SENP6: variants seen among roughly 807,000 people sequenced by gnomAD.
SENP6 encodes SUMO specific peptidase 6.
In SENP6, 41 loss-of-function variants were observed where a neutral mutation model predicts 134.5. That is an observed-to-expected ratio of 0.30 (90% confidence interval 0.24 to 0.40). SENP6 has a LOEUF of 0.40. Among genes scored for constraint, SENP6 ranks in the 10% least tolerant of loss-of-function variants. The probability of loss-of-function intolerance (pLI) is 1.00; values close to 1 mark genes in which losing one functional copy is unlikely to be tolerated. For missense variants in SENP6, 1,248 were observed against 1,312.5 expected, an observed-to-expected ratio of 0.95 and a Z score of 0.76; for synonymous variants, 395 against 429.8, an observed-to-expected ratio of 0.92 and a Z score of 1.00.
At position 75,647,766 on chromosome 6, in the gene SENP6, T is replaced by C; in HGVS notation, c.515T>C (p.Ile172Thr). Reference sequence around the variant, plus strand: ...CCACCTCATGTCCAAAAAGTTGAAATTAATCCTGTAAGGTTAAGTCGGCTC... The same window carrying C: ...CCACCTCATGTCCAAAAAGTTGAAACTAATCCTGTAAGGTTAAGTCGGCTC... ...EYPPHVQKVE[I>T]NPVRLSRLQG... The change falls in exon 7 of 24, where the codon ATT (isoleucine) becomes ACT (threonine). Residue 172 changes from isoleucine (I) to threonine (T), a missense_variant. Coordinates refer to ENST00000447266, the MANE Select transcript of SENP6 (RefSeq NM_015571.4). 1 of 1,613,038 alleles carries C rather than the reference T, an allele frequency of 6.2e-7. No homozygotes were observed. The highest frequency in any genetic ancestry group is 8.5e-7 in the Non-Finnish European group (1 of 1,179,260).
intron 1 of SENP6, among the ~76,000 whole-genome samples, chr6:75,616,338 C>T (rs1210876494): frequency 1.3e-5 from 2 of 152,112 alleles, no homozygotes; most frequent in Non-Finnish European, 2.9e-5. Context: ...CAGGTTGCCC[C>T]CAAACTTTTA....
intron 1 of SENP6, among the ~76,000 whole-genome samples, chr6:75,607,253 C>T (rs1310678637): frequency 6.6e-6 from 1 of 151,786 alleles, no homozygotes; most frequent in East Asian, 1.9e-4. Flanking sequence ...GAGCCATGAT[C>T]GTACCACTGC....
chr6:75,613,267 A>C (rs112770279), intron 1 of SENP6, among the ~76,000 whole-genome samples: 1 of 152,232 alleles, frequency 6.6e-6, no homozygotes, highest in Non-Finnish European at 1.5e-5. Context: ...TGAAAATTAC[A>C]TGAAATTCAA....
At chr6:75,696,010 A>G in intron 17 of SENP6, 87 bp downstream of exon 17, 3 of 1,177,918 alleles carry the variant, frequency 2.5e-6, no homozygotes, top group Non-Finnish European at 2.3e-6. Context: ...GAAAACACAA[A>G]TCTCTGCAGT....
Position 75,677,204 on chromosome 6 carries a change from A to G in SENP6, c.1796A>G (p.Tyr599Cys), listed in dbSNP as rs371123845. The change falls in exon 14 of 24, where the codon TAT (tyrosine) becomes TGT (cysteine). Residue 599 changes from tyrosine to cysteine, a missense_variant. This residue lies in a region of SENP6 where 733 missense variants were observed against 725.4 expected (regional missense o/e 1.01). Transcript: ENST00000447266. ...NGRLVACTRT[Y>C]EESIKGSCGQ... is the part of the protein sequence containing the mutation. ...AGACTTGTTGCCTGTACAAGAACCTATGAAGAGAGCATCAAAGGAAGTTGT... is the reference window on the plus strand; with the variant it reads ...AGACTTGTTGCCTGTACAAGAACCTGTGAAGAGAGCATCAAAGGAAGTTGT... The G allele has an allele frequency of 5.6e-6, 9 of 1,608,660 alleles. No individual in the cohort carries two copies. The highest frequency in any genetic ancestry group is 4.0e-5 in the African/African-American group (3 of 74,856).
At chr6:75,636,648 A>G (rs1168641498) in intron 5 of SENP6, among the ~76,000 whole-genome samples, 3 of 152,186 alleles carry the variant, frequency 2.0e-5, no homozygotes, top group Admixed American at 6.5e-5. Context: ...TAAAAACTAC[A>G]GAGAAGGGAA....
chr6:75,626,756 G>A (rs779191007), intron 3 of SENP6, among the ~76,000 whole-genome samples: 12 of 152,138 alleles, frequency 7.9e-5, no homozygotes, highest in Non-Finnish European at 1.5e-4. Flanking sequence ...ATTCCCACTA[G>A]CAGTGTATGA....
At chr6:75,645,503 G>C (rs1188656118) in intron 6 of SENP6, among the ~76,000 whole-genome samples, 1 of 152,182 alleles carries the variant, frequency 6.6e-6, no homozygotes, top group Non-Finnish European at 1.5e-5. Context: ...TGTAATCCCA[G>C]CTACTCAGGA....
In SENP6 at chr6:75,602,321, C is replaced by T; in HGVS notation, c.-204C>T. On this transcript the variant is annotated 5_prime_UTR_variant, in exon 1 of 24. Coordinates refer to ENST00000447266, the MANE Select transcript of SENP6 (RefSeq NM_015571.4). ...AGCTCGGGCCGCGGGCCTCGCTGCC[C>T]GCCAGCCCGCGGACAGGCCCGGGCG... 1 of 484,162 alleles carries T rather than the reference C, an allele frequency of 2.1e-6. No homozygotes were observed. The highest frequency in any genetic ancestry group is 3.6e-6 in the Non-Finnish European group (1 of 281,088). The allele number at this position is 484,162 out of a possible 1,614,324, so 30.0% of individuals were successfully genotyped here. A position where few individuals can be genotyped will look rare whatever the true frequency, so the allele number is the denominator to read the frequency against.
intron 7 of SENP6, among the ~76,000 whole-genome samples, chr6:75,653,462 A>G (rs1582775101): frequency 1.3e-5 from 2 of 152,162 alleles, no homozygotes; most frequent in South Asian, 2.1e-4. Context: ...TTATTTTCCA[A>G]AAGTCCTTGT....
Position 75,639,065 on chromosome 6 carries a change from CAA to C in SENP6, c.459-1618_459-1617del, listed in dbSNP as rs944211701. Among the ~76,000 whole-genome samples the C allele has an allele frequency of 3.9e-5, 6 of 151,990 alleles. No individual in the cohort carries two copies. The East Asian group carries it at 5.8e-4, about 15-fold the overall frequency. On this transcript the variant is annotated intron_variant, in intron 5 of 23. Coordinates refer to ENST00000447266, the MANE Select transcript of SENP6 (RefSeq NM_015571.4). Reference sequence around the variant, plus strand: ...GACCCTGTCATCTCAAAAACAAAAACAAGAGAGTACTAAACTGTTCTTATTTT... The same window carrying C: ...GACCCTGTCATCTCAAAAACAAAAACGAGAGTACTAAACTGTTCTTATTTT...
chr6:75,712,852 C>G (rs1417417964), intron 21 of SENP6, among the ~76,000 whole-genome samples: 1 of 152,042 alleles, frequency 6.6e-6, no homozygotes, highest in Admixed American at 6.6e-5. Flanking sequence ...TGCCTATAAT[C>G]CCAGCACTTT....
chr6:75,626,200 TA>T (rs1768680436), intron 3 of SENP6, among the ~76,000 whole-genome samples: 1 of 152,016 alleles, frequency 6.6e-6, no homozygotes, highest in African/African-American at 2.4e-5. Context: ...TTTTAATTTT[TA>T]TTATGTAAAT....
At chr6:75,619,068 A>G (rs968344593) in intron 1 of SENP6, among the ~76,000 whole-genome samples, 13 of 151,016 alleles carry the variant, frequency 8.6e-5, no homozygotes. Flanking sequence ...TATAATATAC[A>G]TAACATATAA....
intron 1 of SENP6, among the ~76,000 whole-genome samples, chr6:75,616,929 T>C (rs1582672909): frequency 6.6e-6 from 1 of 152,262 alleles, no homozygotes; most frequent in East Asian, 1.9e-4. Context: ...TGTGGTGTGA[T>C]CATGGCTCAC....
chr6:75,618,693 A>G (rs563040832), intron 1 of SENP6, among the ~76,000 whole-genome samples: 1 of 152,324 alleles, frequency 6.6e-6, no homozygotes, highest in East Asian at 1.9e-4. Flanking sequence ...ACATCTGTGT[A>G]TGTATTAAAT....
intron 13 of SENP6, 24 bp downstream of exon 13, chr6:75,676,078 AATAG>A: frequency 7.1e-7 from 1 of 1,402,750 alleles, no homozygotes; most frequent in Non-Finnish European, 9.6e-7. Flanking sequence ...AACAGATTAT[AATAG>A]ATAATAATAG....
chr6:75,704,302 G>C (rs1386858318), intron 19 of SENP6, among the ~76,000 whole-genome samples: 1 of 152,186 alleles, frequency 6.6e-6, no homozygotes, highest in Non-Finnish European at 1.5e-5. Context: ...TGCCGTAGGA[G>C]AGCAAGGTGA....
In SENP6 at chr6:75,602,271, C is replaced by T. The variant is rs897922153; in HGVS notation, c.-254C>T. 5 of 380,510 alleles carry T rather than the reference C, an allele frequency of 1.3e-5. No individual in the cohort carries two copies. The highest frequency in any genetic ancestry group is 2.1e-5 in the African/African-American group (1 of 47,696). 23.6% of individuals were successfully genotyped at this position (380,510 alleles called of 1,614,324 possible). A position where few individuals can be genotyped will look rare whatever the true frequency, so the allele number is the denominator to read the frequency against. ...AAGCGCCGTCGTCGTCGTCGCCGGT[C>T]GCGTTCCCCCGGAGAGGCCTGAGAA... On this transcript the variant is annotated 5_prime_UTR_variant, in exon 1 of 24. Transcript: ENST00000447266.
Sources: gnomAD v4.1 joint callset for allele counts (sites outside exome capture counted in the v4.1 genomes callset) on GRCh38, gnomAD v4.1.1 for gene constraint, gnomAD v4.1.1 regional missense constraint, MANE v1.5 for transcripts, NCBI Gene and HGNC (gene_info 2026-07-23, HGNC 2026-07-21) for gene names.